Variants in ADAMTS14 observed in about 807,000 individuals in gnomAD.
The protein encoded by ADAMTS14 is A disintegrin and metalloproteinase with thrombospondin motifs 14.
Under a neutral mutation model 128.6 loss-of-function variants are expected in ADAMTS14, and 100 were observed. The observed-to-expected ratio is 0.78, with a 90% CI of 0.66 to 0.92. The LOEUF (loss-of-function observed/expected upper bound fraction) is 0.92, where lower values mean the gene tolerates loss of function less well. Among genes scored for constraint, ADAMTS14 ranks in the 40% least tolerant of loss-of-function variants. ADAMTS14 has a pLI of 0.00. For missense variants in ADAMTS14, 1,562 were observed against 1,658.6 expected, an observed-to-expected ratio of 0.94 and a Z score of 1.01; for synonymous variants, 665 against 653.8, an observed-to-expected ratio of 1.02 and a Z score of -0.26.
At chr10:70,724,718 A>C (rs1292083589) in intron 4 of ADAMTS14, among the ~76,000 whole-genome samples, 1 of 152,180 alleles carries the variant, frequency 6.6e-6, no homozygotes, top group Non-Finnish European at 1.5e-5. Flanking sequence ...GGGTGTGTGC[A>C]GATGAGCGTA....
chr10:70,752,287 A>G, intron 18 of ADAMTS14, 60 bp downstream of exon 18: 1 of 1,591,502 alleles, frequency 6.3e-7, no homozygotes, highest in Non-Finnish European at 8.6e-7. Flanking sequence ...GGCCCCAGGC[A>G]GCGGGGCTGC....
Position 70,760,942 on chromosome 10 carries a change from G to A in ADAMTS14, c.*89G>A, listed in dbSNP as rs1487143752. 19 of 1,446,792 alleles carry A rather than the reference G, an allele frequency of 1.3e-5. 1 individual carries two copies. The Admixed American group carries it at 1.6e-4, about 12-fold the overall frequency. The allele number at this position is 1,446,792 out of a possible 1,614,324, so 89.6% of individuals were successfully genotyped here. ...AGAGGACACACATAGCAGGGCAGGCGCAAGCACAGACTTCATTTTAAATCA... is the reference window on the plus strand; with the variant it reads ...AGAGGACACACATAGCAGGGCAGGCACAAGCACAGACTTCATTTTAAATCA... On this transcript the variant is annotated 3_prime_UTR_variant, in exon 22 of 22. Transcript: ENST00000373207.
intron 6 of ADAMTS14, among the ~76,000 whole-genome samples, chr10:70,730,799 TGACA>T (rs1377066548): frequency 6.6e-6 from 1 of 152,152 alleles, no homozygotes; most frequent in African/African-American, 2.4e-5. Flanking sequence ...GACATGTTTG[TGACA>T]GAGTATTGAC....
intron 7 of ADAMTS14, among the ~76,000 whole-genome samples, chr10:70,733,518 G>T (rs1310732872): frequency 6.6e-6 from 1 of 152,218 alleles, no homozygotes. Context: ...TTTAATGGTG[G>T]GATAGATGGC....
chr10:70,722,833 G>A (rs990980401), intron 4 of ADAMTS14, among the ~76,000 whole-genome samples: 3 of 152,138 alleles, frequency 2.0e-5, no homozygotes, highest in East Asian at 1.9e-4. Context: ...ATAAATAAAC[G>A]AAGAAGGGAC....
chr10:70,710,803 G>T (rs1589286649), intron 4 of ADAMTS14, among the ~76,000 whole-genome samples: 1 of 152,234 alleles, frequency 6.6e-6, no homozygotes, highest in East Asian at 1.9e-4. Flanking sequence ...CTGTCAGTGG[G>T]TGGTGGTTGG....
intron 19 of ADAMTS14, among the ~76,000 whole-genome samples, chr10:70,757,511 T>A (rs950708359): frequency 6.6e-6 from 1 of 152,070 alleles, no homozygotes; most frequent in Non-Finnish European, 1.5e-5. Flanking sequence ...GTTAATAGGA[T>A]ATCATCACAT....
chr10:70,696,378 G>A (rs1840333348), intron 2 of ADAMTS14, among the ~76,000 whole-genome samples: 1 of 152,006 alleles, frequency 6.6e-6, no homozygotes, highest in African/African-American at 2.4e-5. Flanking sequence ...GGGGGTCTGA[G>A]CCATTTGGGA....
At chr10:70,721,959 A>G (rs1841281079) in intron 4 of ADAMTS14, among the ~76,000 whole-genome samples, 1 of 152,112 alleles carries the variant, frequency 6.6e-6, no homozygotes, top group Admixed American at 6.5e-5. Context: ...GATTGATTTT[A>G]CTGGGAGGTG....
At chr10:70,717,058 T>C (rs1204383370) in intron 4 of ADAMTS14, among the ~76,000 whole-genome samples, 1 of 152,198 alleles carries the variant, frequency 6.6e-6, no homozygotes, top group Non-Finnish European at 1.5e-5. Flanking sequence ...CTTCTTCAAA[T>C]CTCAGGACTA....
chr10:70,709,116 C>T (rs947273023), intron 4 of ADAMTS14, among the ~76,000 whole-genome samples: 8 of 152,298 alleles, frequency 5.3e-5, no homozygotes, highest in South Asian at 2.1e-4. Flanking sequence ...CAGGGTCAGG[C>T]GTGGCCTGGA....
At chr10:70,745,099 A>C in intron 14 of ADAMTS14, 127 bp from the exon 15 acceptor site, 1 of 829,908 alleles carries the variant, frequency 1.2e-6, no homozygotes, top group Non-Finnish European at 1.9e-6. Context: ...ATGAGGATAC[A>C]GAGATTCAGA....
At position 70,738,877 on chromosome 10, in the gene ADAMTS14, G is replaced by A. The variant is rs368809040; in HGVS notation, c.1635G>A (p.Pro545=). The change falls in exon 11 of 22, where the codon CCG becomes CCA. Residue 545 remains proline, a synonymous_variant. Transcript: ENST00000373207. ...CFKGHCIWKS[P]EQTYGQDGGW... ...AAGGTCACTGCATCTGGAAGTCGCCGGAGCAGACATATGGCCAGGATGGAG... is the reference window on the plus strand; with the variant it reads ...AAGGTCACTGCATCTGGAAGTCGCCAGAGCAGACATATGGCCAGGATGGAG... 49 of 1,614,006 alleles carry A rather than the reference G, an allele frequency of 3.0e-5. 1 individual carries two copies. The highest frequency in any genetic ancestry group is 1.6e-4 in the African/African-American group (12 of 74,914).
In ADAMTS14 at chr10:70,736,769, T is replaced by C. The variant is rs575983711; in HGVS notation, c.1575T>C (p.Asp525=). 1 of 1,613,768 alleles carries C rather than the reference T, an allele frequency of 6.2e-7. No individual in the cohort carries two copies. Among genetic ancestry groups the C allele is most frequent in the South Asian group, 1.1e-5 (1 of 91,040 alleles). ...AGACCAAGAAGGGGCCCCCGCTGGATGGGACTGAGTGTGCACCCGGCAAGG... is the reference window on the plus strand; with the variant it reads ...AGACCAAGAAGGGGCCCCCGCTGGACGGGACTGAGTGTGCACCCGGCAAGG... ...FCKTKKGPPL[D]GTECAPGKWC... is the part of the protein sequence containing the mutation. The change falls in exon 10 of 22, where the codon GAT becomes GAC. Residue 525 remains aspartate, a synonymous_variant. Coordinates refer to ENST00000373207, the MANE Select transcript of ADAMTS14 (RefSeq NM_080722.4).
chr10:70,708,827 CCCCACCCCACCCCA>C, intron 4 of ADAMTS14, 49 bp downstream of exon 4: 7 of 1,155,358 alleles, frequency 6.1e-6, no homozygotes, highest in Non-Finnish European at 8.1e-6. Context: ...GTGGGGTGGG[CCCCACCCCACCCCA>C]CTGGGCCCCA....
chr10:70,755,057 G>T (rs545074576), intron 19 of ADAMTS14, among the ~76,000 whole-genome samples: 1 of 152,314 alleles, frequency 6.6e-6, no homozygotes, highest in East Asian at 1.9e-4. Flanking sequence ...GAGGTGGGCA[G>T]ATCTTTGGGA....
rs377666252 is a variant in ADAMTS14, at chr10:70,760,836, G to T, written c.3655G>T (p.Ala1219Ser). 1.0e-5 allele frequency: 16 copies of T among 1,577,278 alleles called. No homozygotes were observed. In the African/African-American group the frequency reaches 2.0e-4, roughly 20 times the overall value. ...ACATCCCGGCACCAGCCTCCCTGCTGCCTCCCCGGTGACATGAGCTGTGCC... is the reference window on the plus strand; with the variant it reads ...ACATCCCGGCACCAGCCTCCCTGCTTCCTCCCCGGTGACATGAGCTGTGCC... ...LRHPGTSLPA[A>S]SPVT is the part of the protein sequence containing the mutation. Residue 1219 changes from alanine to serine, a missense_variant, in exon 22 of 22, where the codon GCC becomes TCC. Transcript: ENST00000373207.
In ADAMTS14 at chr10:70,741,051, G is replaced by C. The variant is rs1187767183; in HGVS notation, c.1813G>C (p.Glu605Gln). ...CGAGTACCAGGTCTGCAACAGCGAG[G>C]AGTGCCCTGGGACCTACGAGGACTT... ...MFEYQVCNSE[E>Q]CPGTYEDFRA... Residue 605 changes from glutamate to glutamine, a missense_variant, in exon 12 of 22, where the codon GAG (glutamate) becomes CAG (glutamine). Coordinates refer to ENST00000373207, the MANE Select transcript of ADAMTS14 (RefSeq NM_080722.4). 2 of 1,614,146 alleles carry C rather than the reference G, an allele frequency of 1.2e-6. No homozygotes were observed. The highest frequency in any genetic ancestry group is 1.7e-6 in the Non-Finnish European group (2 of 1,180,040).
At chr10:70,719,186 A>G (rs1841165401) in intron 4 of ADAMTS14, among the ~76,000 whole-genome samples, 1 of 151,992 alleles carries the variant, frequency 6.6e-6, no homozygotes, top group Non-Finnish European at 1.5e-5. Context: ...AGACCCCCTG[A>G]CCTATGGTAT....
Sources: gnomAD v4.1 joint callset for allele counts (sites outside exome capture counted in the v4.1 genomes callset) on GRCh38, gnomAD v4.1.1 for gene constraint, MANE v1.5 for transcripts, NCBI Gene and HGNC (gene_info 2026-07-23, HGNC 2026-07-21) for gene names.